The following TIMM23 variants were observed in gnomAD, a reference collection of about 807,000 sequenced individuals.
TIMM23 encodes mitochondrial import inner membrane translocase subunit Tim23.
A neutral mutation model predicts 30.7 loss-of-function variants in TIMM23; 19 were observed. The ratio of observed to expected loss-of-function variants is 0.62; its 90% CI spans 0.43 to 0.91. The LOEUF (loss-of-function observed/expected upper bound fraction) is 0.91. Ranked by LOEUF, TIMM23 falls within the 40% of genes least tolerant of loss-of-function variation. TIMM23 has a pLI of 0.00. For missense variants in TIMM23, 202 were observed against 269.2 expected (o/e 0.75, Z 1.75); for synonymous variants, 78 against 98.5 (o/e 0.79, Z 1.23).
chr10:45,980,033 C>A (rs1837798286), intron 2 of TIMM23, among the ~76,000 whole-genome samples: 2 of 151,280 alleles, frequency 1.3e-5, no homozygotes, highest in African/African-American at 4.9e-5. Flanking sequence ...TGAATTCATT[C>A]TTCATCATGA....
At chr10:45,974,917 G>C (rs1328536331) in intron 1 of TIMM23, among the ~76,000 whole-genome samples, 3 of 151,668 alleles carry the variant, frequency 2.0e-5, no homozygotes, top group Middle Eastern at 3.4e-3. Context: ...GTTTTCTTTT[G>C]CACAGACCCA....
rs1554911984 is a variant in TIMM23, at chr10:45,972,692, G to A, written c.68G>A (p.Gly23Glu). Residue 23 changes from glycine (G) to glutamate (E), a missense_variant, in exon 1 of 7, where the codon GGA (glycine) becomes GAA (glutamate). Transcript: ENST00000580018. Reference sequence around the variant, plus strand: ...TTGGCCGGCTTTTTCGGAGCCGGCGGAGCAGGTTACTCGCACGCGGATTTG... The same window carrying A: ...TTGGCCGGCTTTTTCGGAGCCGGCGAAGCAGGTTACTCGCACGCGGATTTG... Reference protein sequence around the residue: ...GGLAGFFGAGGAGYSHADLAG... With the variant: ...GGLAGFFGAGEAGYSHADLAG... 3 of 1,613,906 alleles carry A rather than the reference G, an allele frequency of 1.9e-6. No homozygotes were observed. The highest frequency in any genetic ancestry group is 2.7e-5 in the African/African-American group (2 of 74,944).
At chr10:45,993,572 G>T (rs1356090562) in intron 6 of TIMM23, among the ~76,000 whole-genome samples, 4 of 152,094 alleles carry the variant, frequency 2.6e-5, no homozygotes, top group African/African-American at 7.2e-5. Flanking sequence ...GATGTGACAT[G>T]ACATGACATG....
chr10:45,981,702 T>A (rs1449199501), intron 2 of TIMM23, among the ~76,000 whole-genome samples: 1 of 152,202 alleles, frequency 6.6e-6, no homozygotes, highest in African/African-American at 2.4e-5. Context: ...TGTAACACAC[T>A]ATGTGTCTTT....
At chr10:45,980,699 C>T in intron 2 of TIMM23, among the ~76,000 whole-genome samples, 1 of 152,200 alleles carries the variant, frequency 6.6e-6, no homozygotes, top group South Asian at 2.1e-4. Flanking sequence ...TTTAGTAATA[C>T]TAGTGTCCTG....
rs1308718825 is a variant in TIMM23 at position 45,985,512 on chromosome 10, A to G, written c.403+71A>G. The G allele has an allele frequency of 4.5e-6, 7 of 1,571,556 alleles. No individual in the cohort carries two copies. The East Asian group carries it at 9.0e-5, about 20-fold the overall frequency. ...CACAAATATCATGAACAATTTGATCAACCCATATTCTGGTCCTAGGATATG... is the reference window on the plus strand; with the variant it reads ...CACAAATATCATGAACAATTTGATCGACCCATATTCTGGTCCTAGGATATG... On this transcript the variant is annotated intron_variant, in intron 5 of 6. Coordinates refer to ENST00000580018, the MANE Select transcript of TIMM23 (RefSeq NM_006327.4).
intron 1 of TIMM23, 91 bp downstream of exon 1, chr10:45,972,821 T>TC: frequency 6.4e-7 from 1 of 1,553,782 alleles, no homozygotes; most frequent in South Asian, 1.2e-5. Flanking sequence ...GTTGTTTTTT[T>TC]TTTCCTTGCT....
At chr10:45,994,672 GCTC>G (rs1838275085) in intron 6 of TIMM23, among the ~76,000 whole-genome samples, 1 of 136,900 alleles carries the variant, frequency 7.3e-6, no homozygotes. Flanking sequence ...AAACTCCTGA[GCTC>G]AAGCGATCCA....
chr10:45,983,004 A>G (rs1837890103), intron 4 of TIMM23, 74 bp downstream of exon 4: 11 of 1,588,392 alleles, frequency 6.9e-6, no homozygotes, highest in South Asian at 1.1e-5. Flanking sequence ...GATGAGTACA[A>G]CCTTGAGATT....
At chr10:46,001,013 G>A (rs1838515989) in intron 6 of TIMM23, among the ~76,000 whole-genome samples, 1 of 152,196 alleles carries the variant, frequency 6.6e-6, no homozygotes, top group Non-Finnish European at 1.5e-5. Flanking sequence ...TAGCAATGCT[G>A]TTGCAGATAC....
At chr10:45,987,324 C>T (rs1299745163) in intron 5 of TIMM23, among the ~76,000 whole-genome samples, 1 of 152,120 alleles carries the variant, frequency 6.6e-6, no homozygotes, top group African/African-American at 2.4e-5. Flanking sequence ...TATTTCCCCA[C>T]ATACCAAGTA....
chr10:45,980,365 C>T (rs1404495920), intron 2 of TIMM23, among the ~76,000 whole-genome samples: 1 of 152,016 alleles, frequency 6.6e-6, no homozygotes, highest in Non-Finnish European at 1.5e-5. Context: ...TCCCAAAGTG[C>T]TGGGATTACA....
chr10:45,998,490 T>C (rs1838415245), intron 6 of TIMM23: 1 of 651,148 alleles, frequency 1.5e-6, no homozygotes, highest in Admixed American at 6.3e-5. Context: ...CCTTTGCTTA[T>C]CAACTTCCTG....
At chr10:45,976,544 A>C (rs1837678613) in intron 2 of TIMM23, among the ~76,000 whole-genome samples, 1 of 152,016 alleles carries the variant, frequency 6.6e-6, no homozygotes, top group Non-Finnish European at 1.5e-5. Context: ...CCTGGAGACA[A>C]AGGTTGCAGT....
At chr10:45,986,613 C>T (rs1231791169) in intron 5 of TIMM23, among the ~76,000 whole-genome samples, 2 of 152,102 alleles carry the variant, frequency 1.3e-5, no homozygotes, top group Non-Finnish European at 1.5e-5. Flanking sequence ...TGTATTGTTG[C>T]AAGGGGCAAG....
In TIMM23 at chr10:45,976,265, A is replaced by G. The variant is rs1554913076; in HGVS notation, c.165+753A>G. Among the ~76,000 whole-genome samples, 113 of 151,274 alleles carry G rather than the reference A, an allele frequency of 7.5e-4. 1 individual carries two copies. The highest frequency in any genetic ancestry group is 1.4e-3 in the Non-Finnish European group (92 of 67,888). On this transcript the variant is annotated intron_variant, in intron 2 of 6. Coordinates refer to ENST00000580018, the MANE Select transcript of TIMM23 (RefSeq NM_006327.4). ...GTACAAAGACCACATGCTTATCTCA[A>G]TAGATTCACAAAAATCATTTGACAA...
At chr10:45,985,903 G>C (rs2132259573) in intron 5 of TIMM23, among the ~76,000 whole-genome samples, 1 of 152,296 alleles carries the variant, frequency 6.6e-6, no homozygotes, top group East Asian at 1.9e-4. Flanking sequence ...ATTGGAATAG[G>C]TTCCTTGTAG....
At chr10:45,987,419 C>T (rs1838021752) in intron 5 of TIMM23, among the ~76,000 whole-genome samples, 1 of 152,018 alleles carries the variant, frequency 6.6e-6, no homozygotes, top group Non-Finnish European at 1.5e-5. Context: ...GTTGAGCACT[C>T]TGTCCCACAA....
chr10:45,994,011 G>GAA (rs1222459751), intron 6 of TIMM23, among the ~76,000 whole-genome samples: 2 of 152,132 alleles, frequency 1.3e-5, no homozygotes, highest in Non-Finnish European at 2.9e-5. Context: ...GAAATGAAAT[G>GAA]ATGAAGTAAT....
Sources: allele counts gnomAD v4.1 joint callset (sites outside exome capture counted in the v4.1 genomes callset), GRCh38; gene constraint gnomAD v4.1.1; transcripts MANE v1.5; gene names NCBI Gene and HGNC (gene_info 2026-07-23, HGNC 2026-07-21).